SNTG1: variants seen among roughly 807,000 people sequenced by gnomAD.
SNTG1 encodes gamma-1-syntrophin.
A neutral mutation model predicts 74.7 loss-of-function variants in SNTG1; 39 were observed. The ratio of observed to expected loss-of-function variants is 0.52; its 90% CI spans 0.40 to 0.68. The LOEUF (loss-of-function observed/expected upper bound fraction) is 0.68. Ranked by LOEUF, SNTG1 falls within the 30% of genes least tolerant of loss-of-function variation. SNTG1 has a pLI of 0.00. For synonymous variants in SNTG1, 254 were observed against 217.1 expected (o/e 1.17, Z -1.49); for missense variants, 685 against 609.5 (o/e 1.12, Z -1.30).
At chr8:50,501,642 G>A (rs71511996) in intron 8 of SNTG1, among the ~76,000 whole-genome samples, 1 of 148,332 alleles carries the variant, frequency 6.7e-6, no homozygotes, top group Admixed American at 6.8e-5. Context: ...ATTTTTAGCA[G>A]AGACGGGGTT....
At chr8:50,487,460 T>C (rs2093806732) in intron 8 of SNTG1, among the ~76,000 whole-genome samples, 1 of 152,106 alleles carries the variant, frequency 6.6e-6, no homozygotes, top group South Asian at 2.1e-4. Context: ...AATGATAGAC[T>C]GGATTAAGAA....
chr8:50,125,032 G>C (rs973957412), intron 1 of SNTG1, among the ~76,000 whole-genome samples: 1 of 141,914 alleles, frequency 7.0e-6, no homozygotes, highest in Non-Finnish European at 1.6e-5. Context: ...ATACCTGAAA[G>C]CACTGAGATT....
rs528888646 is a variant in SNTG1, at chr8:50,101,604, A to G, written c.-102-70957A>G. ...TTAAGTTTTAGGGTACATGTGCACA[A>G]TGTGCAGGTTAGTTACATATGTATA... is the stretch of plus-strand genomic sequence containing the variant. On this transcript the variant is annotated intron_variant, in intron 1 of 18. Transcript: ENST00000642720. 6.6e-5 allele frequency among the ~76,000 whole-genome samples: 10 copies of G among 152,028 alleles called. No homozygotes were observed. The South Asian group carries it at 2.1e-3, about 32-fold the overall frequency.
At chr8:50,626,663 G>T (rs934702634) in intron 13 of SNTG1, among the ~76,000 whole-genome samples, 56 of 152,328 alleles carry the variant, frequency 3.7e-4, no homozygotes, top group African/African-American at 1.3e-3. Context: ...GGCACAGATG[G>T]CTCATGCTAT....
intron 2 of SNTG1, among the ~76,000 whole-genome samples, chr8:50,349,710 A>C (rs1252121395): frequency 1.3e-5 from 2 of 152,218 alleles, no homozygotes; most frequent in African/African-American, 2.4e-5. Context: ...ATTCTTTCAT[A>C]AGGCATGCCA....
At chr8:49,927,333 G>T (rs1181829615) in intron 1 of SNTG1, among the ~76,000 whole-genome samples, 12 of 152,054 alleles carry the variant, frequency 7.9e-5, no homozygotes. Flanking sequence ...ATAATACCAA[G>T]CTTGGAAGTA....
At chr8:50,117,917 C>A (rs2080876268) in intron 1 of SNTG1, among the ~76,000 whole-genome samples, 1 of 152,052 alleles carries the variant, frequency 6.6e-6, no homozygotes, top group Admixed American at 6.6e-5. Flanking sequence ...ACTAGCAGAG[C>A]TGAAGTGTGC....
At chr8:50,198,934 T>A (rs1170914633) in intron 2 of SNTG1, among the ~76,000 whole-genome samples, 2 of 152,166 alleles carry the variant, frequency 1.3e-5, no homozygotes, top group African/African-American at 2.4e-5. Context: ...GTGATCCTGG[T>A]CACACTGTTT....
intron 1 of SNTG1, among the ~76,000 whole-genome samples, chr8:49,932,048 A>G (rs981976622): frequency 6.6e-6 from 1 of 152,138 alleles, no homozygotes; most frequent in Non-Finnish European, 1.5e-5. Flanking sequence ...TAAAGGAAAA[A>G]AGTTATACAA....
intron 12 of SNTG1, among the ~76,000 whole-genome samples, chr8:50,576,744 GTTTTC>G (rs2094578899): frequency 6.6e-6 from 1 of 151,674 alleles, no homozygotes; most frequent in African/African-American, 2.4e-5. Flanking sequence ...AAAATTTTAA[GTTTTC>G]TTTTCAGATT....
At chr8:50,264,585 A>T (rs1444006095) in intron 2 of SNTG1, among the ~76,000 whole-genome samples, 1 of 151,620 alleles carries the variant, frequency 6.6e-6, no homozygotes, top group Admixed American at 6.6e-5. Flanking sequence ...AAAAAAAAAA[A>T]GAAGAAAGAA....
intron 17 of SNTG1, among the ~76,000 whole-genome samples, chr8:50,748,905 T>C (rs1585701945): frequency 6.6e-6 from 1 of 151,952 alleles, no homozygotes; most frequent in Non-Finnish European, 1.5e-5. Context: ...ACAGACACAA[T>C]AATTTGAAAA....
chr8:50,063,099 G>C (rs1255434188), intron 1 of SNTG1, among the ~76,000 whole-genome samples: 1 of 152,172 alleles, frequency 6.6e-6, no homozygotes, highest in Non-Finnish European at 1.5e-5. Flanking sequence ...ACATTGCCTT[G>C]CAAGAGGCAT....
Position 50,762,825 on chromosome 8 carries a change from G to A in SNTG1, c.1395+10714G>A. 9.8e-6 allele frequency: 4 copies of A among 409,566 alleles called. No individual in the cohort carries two copies. The East Asian group carries it at 3.0e-4, about 31-fold the overall frequency. The allele number at this position is 409,566 out of a possible 1,614,324, so 25.4% of individuals were successfully genotyped here. On this transcript the variant is annotated intron_variant, in intron 18 of 18. Transcript: ENST00000642720. ...TTTAATTCTCTTTTAAGTCTCTTGA[G>A]CAATGAAGGTTCCTGCTCCGAAGCC...
At position 49,956,595 on chromosome 8, in the gene SNTG1, A is replaced by G. The variant is rs547179374; in HGVS notation, c.-103+44364A>G. 5.3e-4 allele frequency among the ~76,000 whole-genome samples: 81 copies of G among 152,200 alleles called. 1 individual carries two copies. The South Asian group carries it at 8.7e-3, about 16-fold the overall frequency. Reference sequence around the variant, plus strand: ...TACTTTTGTTGATTAGTGTTTCCCAATTTCATTTATTTTACTGAGGGTTGC... The same window carrying G: ...TACTTTTGTTGATTAGTGTTTCCCAGTTTCATTTATTTTACTGAGGGTTGC... On this transcript the variant is annotated intron_variant, in intron 1 of 18. Transcript: ENST00000642720.
At chr8:50,199,914 G>A (rs1331586232) in intron 2 of SNTG1, among the ~76,000 whole-genome samples, 1 of 152,302 alleles carries the variant, frequency 6.6e-6, no homozygotes, top group Middle Eastern at 3.4e-3. Flanking sequence ...AACCTGTATT[G>A]TGGGTGTGGA....
chr8:50,006,750 G>T (rs1013751362), intron 1 of SNTG1, among the ~76,000 whole-genome samples: 3 of 152,134 alleles, frequency 2.0e-5, no homozygotes. Context: ...ATGCAGGCCA[G>T]GTTGCTGGTG....
rs956395621 is a variant in SNTG1, at chr8:50,793,358, C to T, written c.*529C>T. On this transcript the variant is annotated 3_prime_UTR_variant, in exon 19 of 19. Coordinates refer to ENST00000642720, the MANE Select transcript of SNTG1 (RefSeq NM_018967.5). ...ACTTTAATTTGCTGATGTAAATTTG[C>T]CCTTGTGTTCTCATCCCATGATTTG... 5.9e-5 allele frequency: 9 copies of T among 151,818 alleles called. No homozygotes were observed. Among genetic ancestry groups the T allele is most frequent in the Admixed American group, 2.6e-4 (4 of 15,186 alleles). The allele number at this position is 151,818 out of a possible 1,614,324, so 9.4% of individuals were successfully genotyped here. A position where few individuals can be genotyped will look rare whatever the true frequency, so the allele number is the denominator to read the frequency against.
intron 1 of SNTG1, among the ~76,000 whole-genome samples, chr8:50,111,088 T>G (rs981066163): frequency 2.0e-5 from 3 of 152,128 alleles, no homozygotes; most frequent in Non-Finnish European, 4.4e-5. Flanking sequence ...ATTATCCAGA[T>G]CCCAGGAAGA....
Sources: allele counts gnomAD v4.1 joint callset (sites outside exome capture counted in the v4.1 genomes callset), GRCh38; gene constraint gnomAD v4.1.1; transcripts MANE v1.5; gene names NCBI Gene and HGNC (gene_info 2026-07-23, HGNC 2026-07-21).